Variants in CHD1 observed in about 807,000 individuals in gnomAD.
CHD1 encodes chromodomain helicase DNA binding protein 1.
Under a neutral mutation model 224.2 loss-of-function variants are expected in CHD1, and 36 were observed. The ratio of observed to expected loss-of-function variants is 0.16; its 90% CI spans 0.12 to 0.21. The LOEUF is 0.21. Ranked by LOEUF, CHD1 falls within the 10% of genes least tolerant of loss-of-function variation. The pLI, the probability that CHD1 is intolerant of heterozygous loss-of-function variation, is 1.00. For missense variants in CHD1, 1,378 were observed against 1,994.8 expected, an observed-to-expected ratio of 0.69 and a Z score of 5.89; for synonymous variants, 668 against 658.3, an observed-to-expected ratio of 1.01 and a Z score of -0.23.
intron 33 of CHD1, among the ~76,000 whole-genome samples, chr5:98,859,420 G>A (rs111331667): frequency 3.4e-4 from 51 of 152,030 alleles, no homozygotes; most frequent in African/African-American, 9.9e-4. Context: ...TTATCTGCTC[G>A]GGGATTCGAT....
Position 98,855,165 on chromosome 5 carries a change from GGAGT to G in CHD1, c.*1211_*1214del, listed in dbSNP as rs1040909286. ...GTGGTGGTGGTGGTAAGTGCTTGAG[GGAGT>G]AAGAATGCAGCAGAAAATTACAGGA... On this transcript the variant is annotated 3_prime_UTR_variant, in exon 36 of 36. Transcript: ENST00000614616. 6.6e-6 allele frequency: 1 copy of G among 152,522 alleles called. No homozygotes were observed. Among genetic ancestry groups the G allele is most frequent in the Non-Finnish European group, 1.5e-5 (1 of 68,112 alleles). The allele number at this position is 152,522 out of a possible 1,614,324, so 9.4% of individuals were successfully genotyped here.
Position 98,896,394 on chromosome 5 carries a change from T to C in CHD1, c.1542A>G (p.Ile514Met), listed in dbSNP as rs750698591. ...LADEMGLGKT[I>M]QTISFLNYLF... ...AATAATTCAGAAATGAGATCGTCTG[T>C]ATTGTTTTTCCAAGGCCCATTTCAT... The change falls in exon 12 of 36, where the codon ATA becomes ATG. Residue 514 changes from isoleucine to methionine, a missense_variant. This residue lies in a region of CHD1 where 49 missense variants were observed against 135.7 expected (regional missense o/e 0.36). Transcript: ENST00000614616. 6.2e-7 allele frequency: 1 copy of C among 1,614,082 alleles called. No individual in the cohort carries two copies. Among genetic ancestry groups the C allele is most frequent in the Non-Finnish European group, 8.5e-7 (1 of 1,179,988 alleles).
rs1561504544 is a variant in CHD1, at chr5:98,882,016, T to A, written c.2826A>T (p.Thr942=). Residue 942 remains threonine (T), a synonymous_variant, in exon 20 of 36, where the codon ACA becomes ACT. Transcript: ENST00000614616. The part of the protein sequence containing the change: ...LDHLVIQRMD[T]TGKTVLHTGS... ...CTGTATGTAGTACTGTCTTCCCAGT[T>A]GTGTCCATTCTTTGAATTACAAGAT... 3 of 1,613,936 alleles carry A rather than the reference T, an allele frequency of 1.9e-6. No homozygotes were observed. Among genetic ancestry groups the A allele is most frequent in the Non-Finnish European group, 2.5e-6 (3 of 1,179,910 alleles).
rs368457831 is a variant in CHD1 at position 98,856,573 on chromosome 5, G to A, written c.4940C>T (p.Ser1647Phe). 6.2e-7 allele frequency: 1 copy of A among 1,613,690 alleles called. No homozygotes were observed. The highest frequency in any genetic ancestry group is 2.2e-5 in the East Asian group (1 of 44,888). ...GGAAGATTTATGGTGCGTATATTCA[G>A]AACTTGACCGGTGGTCTGAATGTAA... ...HRLHSDHRSSSEYTHHKSSRD... is the reference protein window; with the variant it reads ...HRLHSDHRSSFEYTHHKSSRD... Residue 1647 changes from serine (S) to phenylalanine (F), a missense_variant, in exon 36 of 36, where the codon TCT becomes TTT. Coordinates refer to ENST00000614616, the MANE Select transcript of CHD1 (RefSeq NM_001270.4).
In CHD1 at chr5:98,860,043, A is replaced by G; in HGVS notation, c.4453T>C (p.Phe1485Leu). 1 of 1,558,468 alleles carries G rather than the reference A, an allele frequency of 6.4e-7. No homozygotes were observed. The highest frequency in any genetic ancestry group is 8.8e-7 in the Non-Finnish European group (1 of 1,141,664). ...RKNLWIFVSK[F>L]TEFDARKLHK... ...AATTTTCTTGCATCAAATTCAGTAAACTTAGATACAAAAATCCACAGGTTT... is the reference window on the plus strand; with the variant it reads ...AATTTTCTTGCATCAAATTCAGTAAGCTTAGATACAAAAATCCACAGGTTT... Residue 1485 changes from phenylalanine (F) to leucine (L), a missense_variant, in exon 33 of 36, where the codon TTT (phenylalanine) becomes CTT (leucine). Phe to Leu is a conservative substitution (Grantham distance 22). This residue lies in a region of CHD1 where 278 missense variants were observed against 298.5 expected (regional missense o/e 0.93). Transcript: ENST00000614616.
At chr5:98,881,908 TGTAAC>T in intron 20 of CHD1, 62 bp downstream of exon 20, 2 of 1,351,380 alleles carry the variant, frequency 1.5e-6, no homozygotes. Flanking sequence ...TCTACAGTGA[TGTAAC>T]ATATCAAAAA....
chr5:98,882,965 C>T (rs1750303101), intron 19 of CHD1, 123 bp downstream of exon 19: 4 of 577,730 alleles, frequency 6.9e-6, no homozygotes, highest in Non-Finnish European at 7.9e-6. Context: ...AGTATCCTAT[C>T]GGTTAAACAG....
intron 24 of CHD1, among the ~76,000 whole-genome samples, chr5:98,875,341 T>C (rs568708234): frequency 1.3e-5 from 2 of 152,242 alleles, no homozygotes; most frequent in African/African-American, 4.8e-5. Flanking sequence ...GATATCAGTA[T>C]AAATAAAACA....
chr5:98,904,947 A>C lies in CHD1; in HGVS notation c.205T>G (p.Ser69Ala), dbSNP rs753500340. ...GSQSESESDTSRENKVQAKPP... is the reference protein window; with the variant it reads ...GSQSESESDTARENKVQAKPP... The stretch of plus-strand genomic sequence containing the variant: ...TTTGCTTGAACTTTGTTTTCTCGGG[A>C]AGTGTCTGACTCAGACTCTGACTGA... The change falls in exon 3 of 36, where the codon TCC becomes GCC. Residue 69 changes from serine (S) to alanine (A), a missense_variant. Physicochemically the swap from Ser to Ala is moderately conservative, Grantham distance 99 (BLOSUM62 1). Transcript: ENST00000614616. 2 of 1,613,722 alleles carry C rather than the reference A, an allele frequency of 1.2e-6. No homozygotes were observed. The highest frequency in any genetic ancestry group is 1.7e-6 in the Non-Finnish European group (2 of 1,179,666).
chr5:98,870,819 A>G lies in CHD1; in HGVS notation c.3862-16T>C. On this transcript the variant is annotated splice_polypyrimidine_tract_variant and intron_variant, in intron 28 of 35. Coordinates refer to ENST00000614616, the MANE Select transcript of CHD1 (RefSeq NM_001270.4). ...CTGGAAGAATCTGAAAAAGCAATAA[A>G]TTTTTTCAGATTGTCTTAATAAATA... is the stretch of plus-strand genomic sequence containing the variant. 1 of 1,502,212 alleles carries G rather than the reference A, an allele frequency of 6.7e-7. No individual in the cohort carries two copies. The highest frequency in any genetic ancestry group is 9.2e-7 in the Non-Finnish European group (1 of 1,084,180). The allele number at this position is 1,502,212 out of a possible 1,614,324, so 93.1% of individuals were successfully genotyped here.
chr5:98,901,176 G>A lies in CHD1; in HGVS notation c.587+10C>T. On this transcript the variant is annotated intron_variant, in intron 6 of 35. Coordinates refer to ENST00000614616, the MANE Select transcript of CHD1 (RefSeq NM_001270.4). ...CACAATCAATTTTCAGCACCAAACT[G>A]AGACCATACCTATTTTGAGGTTTTC... The A allele has an allele frequency of 6.2e-7, 1 of 1,606,472 alleles. No individual in the cohort carries two copies. Among genetic ancestry groups the A allele is most frequent in the African/African-American group, 1.3e-5 (1 of 74,380 alleles).
At chr5:98,927,082 G>A (rs1416673853) in intron 1 of CHD1, among the ~76,000 whole-genome samples, 4 of 152,006 alleles carry the variant, frequency 2.6e-5, no homozygotes, top group Non-Finnish European at 5.9e-5. Context: ...CAAAATAAAT[G>A]TGTTATTTAA....
Position 98,876,500 on chromosome 5 carries a change from T to C in CHD1, c.3296A>G (p.Asp1099Gly). 6.2e-7 allele frequency: 1 copy of C among 1,614,026 alleles called. No homozygotes were observed. Among genetic ancestry groups the C allele is most frequent in the Non-Finnish European group, 8.5e-7 (1 of 1,179,920 alleles). The stretch of plus-strand genomic sequence containing the variant: ...TTTCCCTTCTGAGATGGAATCACTA[T>C]CAGATCCAGAGTATCTCCTACTTCT... ...RSRSRRYSGS[D>G]SDSISEGKRP... The change falls in exon 24 of 36, where the codon GAT becomes GGT. Residue 1099 changes from aspartate to glycine, a missense_variant. Asp to Gly is a moderately conservative substitution (Grantham distance 94, BLOSUM62 -1). Transcript: ENST00000614616.
intron 31 of CHD1, among the ~76,000 whole-genome samples, chr5:98,866,001 G>A (rs1210127735): frequency 3.9e-5 from 6 of 152,092 alleles, no homozygotes; most frequent in Non-Finnish European, 7.4e-5. Context: ...TTCATTAGTA[G>A]ACCACATAGA....
chr5:98,877,959 C>T lies in CHD1; in HGVS notation c.3238-1401G>A, dbSNP rs115096511. On this transcript the variant is annotated intron_variant, in intron 23 of 35. Coordinates refer to ENST00000614616, the MANE Select transcript of CHD1 (RefSeq NM_001270.4). Reference sequence around the variant, plus strand: ...TGAAATCACACGGCAACCTACACATCTAAATGTAAGGATATACAGGAGATT... The same window carrying T: ...TGAAATCACACGGCAACCTACACATTTAAATGTAAGGATATACAGGAGATT... Among the ~76,000 whole-genome samples the T allele has an allele frequency of 6.9e-3, 1,043 of 152,172 alleles. 10 individuals carry two copies. The highest frequency in any genetic ancestry group is 0.024 in the African/African-American group (999 of 41,506).
intron 2 of CHD1, among the ~76,000 whole-genome samples, chr5:98,910,104 G>A (rs1027586988): frequency 6.6e-6 from 1 of 152,104 alleles, no homozygotes; most frequent in African/African-American, 2.4e-5. Context: ...TATTTAGGAT[G>A]TTTCAATGGA....
intron 34 of CHD1, 147 bp downstream of exon 34, chr5:98,858,817 G>A: frequency 2.1e-6 from 1 of 485,692 alleles, no homozygotes; most frequent in Non-Finnish European, 3.6e-6. Flanking sequence ...ATGTAGGTAT[G>A]TATCAGAATT....
chr5:98,868,058 C>T (rs1281332297), intron 31 of CHD1, among the ~76,000 whole-genome samples: 1 of 151,984 alleles, frequency 6.6e-6, no homozygotes, highest in Non-Finnish European at 1.5e-5. Context: ...CCTCGGCCTT[C>T]CAAAGTGCTG....
At chr5:98,916,111 G>T (rs1036868396) in intron 2 of CHD1, among the ~76,000 whole-genome samples, 1 of 152,078 alleles carries the variant, frequency 6.6e-6, no homozygotes, top group African/African-American at 2.4e-5. Flanking sequence ...AGAATCGCTT[G>T]AACCCAGGAG....
Sources: gnomAD v4.1 joint callset for allele counts (sites outside exome capture counted in the v4.1 genomes callset) on GRCh38, gnomAD v4.1.1 for gene constraint, gnomAD v4.1.1 regional missense constraint, MANE v1.5 for transcripts, NCBI Gene and HGNC (gene_info 2026-07-23, HGNC 2026-07-21) for gene names.